PDE4B: variants seen among roughly 807,000 people sequenced by gnomAD.
The protein encoded by PDE4B is 3',5'-cyclic-AMP phosphodiesterase 4B.
In PDE4B, 20 loss-of-function variants were observed where a neutral mutation model predicts 82.2. The observed-to-expected ratio is 0.24, with a 90% CI of 0.17 to 0.35. The LOEUF is 0.35. Among genes scored for constraint, PDE4B ranks in the 10% least tolerant of loss-of-function variants. The pLI is 1.00. For synonymous variants in PDE4B, 320 were observed against 318.9 expected, an observed-to-expected ratio of 1.00 and a Z score of -0.04; for missense variants, 655 against 907.2, an observed-to-expected ratio of 0.72 and a Z score of 3.57.
chr1:66,066,449 G>T (rs1181428150), intron 3 of PDE4B, among the ~76,000 whole-genome samples: 1 of 151,828 alleles, frequency 6.6e-6, no homozygotes, highest in Non-Finnish European at 1.5e-5. Context: ...GAAATGATTG[G>T]TAGTATTTCT....
At chr1:65,846,606 G>A (rs1033231931) in intron 1 of PDE4B, among the ~76,000 whole-genome samples, 5 of 152,182 alleles carry the variant, frequency 3.3e-5, no homozygotes, top group African/African-American at 1.2e-4. Flanking sequence ...GAATGTAGCT[G>A]TGAATGAAAC....
intron 4 of PDE4B, among the ~76,000 whole-genome samples, chr1:66,252,876 T>C (rs1653898767): frequency 6.6e-6 from 1 of 152,046 alleles, no homozygotes; most frequent in South Asian, 2.1e-4. Context: ...GAGGTGGAGG[T>C]TGCAATAAGC....
At chr1:66,170,357 C>A (rs1337331342) in intron 3 of PDE4B, among the ~76,000 whole-genome samples, 1 of 152,150 alleles carries the variant, frequency 6.6e-6, no homozygotes, top group Admixed American at 6.6e-5. Flanking sequence ...GCATTGAGTA[C>A]ATTTACACAT....
intron 1 of PDE4B, among the ~76,000 whole-genome samples, chr1:65,813,063 A>G (rs1233103364): frequency 6.6e-6 from 1 of 152,186 alleles, no homozygotes; most frequent in Non-Finnish European, 1.5e-5. Flanking sequence ...GGGAACAGGC[A>G]GAGAGTTAGG....
At chr1:66,269,868 G>A (rs1411052969) in intron 7 of PDE4B, among the ~76,000 whole-genome samples, 1 of 152,172 alleles carries the variant, frequency 6.6e-6, no homozygotes, top group African/African-American at 2.4e-5. Flanking sequence ...ATGTAAATGT[G>A]ACTTGATGTA....
chr1:66,197,289 G>A (rs747769712), intron 3 of PDE4B, among the ~76,000 whole-genome samples: 1 of 152,064 alleles, frequency 6.6e-6, no homozygotes, highest in Non-Finnish European at 1.5e-5. Flanking sequence ...CACGTTTTCT[G>A]CACCTGAAAA....
intron 7 of PDE4B, among the ~76,000 whole-genome samples, chr1:66,283,093 C>T (rs1442449032): frequency 1.3e-5 from 2 of 152,138 alleles, no homozygotes; most frequent in East Asian, 3.8e-4. Flanking sequence ...GACATGGTGC[C>T]TGACCTAAGC....
intron 3 of PDE4B, among the ~76,000 whole-genome samples, chr1:66,170,755 A>G (rs970728717): frequency 6.6e-6 from 1 of 152,188 alleles, no homozygotes; most frequent in Non-Finnish European, 1.5e-5. Context: ...TTGAAGATTA[A>G]CACAGCAAAA....
chr1:66,010,385 AAACTT>A (rs1207559085), intron 3 of PDE4B, among the ~76,000 whole-genome samples: 1 of 151,860 alleles, frequency 6.6e-6, no homozygotes, highest in Non-Finnish European at 1.5e-5. Flanking sequence ...CAAGTATACT[AAACTT>A]AATAGCAAGA....
chr1:66,219,528 T>C (rs1457026353), intron 3 of PDE4B, among the ~76,000 whole-genome samples: 1 of 152,184 alleles, frequency 6.6e-6, no homozygotes, highest in Non-Finnish European at 1.5e-5. Context: ...TCCAAAGAAA[T>C]GTGCAAAGCA....
rs149472142 is a variant in PDE4B, at chr1:65,947,661, A to G, written c.281+28826A>G. The stretch of plus-strand genomic sequence containing the variant: ...AGAAAAGGGAAATTTAGACACAGCT[A>G]TAGACACAGAGGGAAGACAGTTATG... On this transcript the variant is annotated intron_variant, in intron 3 of 16. Coordinates refer to ENST00000341517, the MANE Select transcript of PDE4B (RefSeq NM_002600.4). Among the ~76,000 whole-genome samples the G allele has an allele frequency of 8.5e-5, 13 of 152,128 alleles. No individual in the cohort carries two copies. The East Asian group carries it at 2.3e-3, about 27-fold the overall frequency.
intron 3 of PDE4B, among the ~76,000 whole-genome samples, chr1:65,963,605 T>A (rs1010943818): frequency 2.0e-5 from 3 of 152,176 alleles, no homozygotes; most frequent in African/African-American, 7.2e-5. Context: ...TCATCCCCTG[T>A]CAAGTTCTAG....
chr1:66,365,876 A>T lies in PDE4B; in HGVS notation c.1384+110A>T, dbSNP rs1376143314. The T allele has an allele frequency of 1.2e-5, 7 of 582,656 alleles. No homozygotes were observed. In the East Asian group the frequency reaches 1.7e-4, roughly 14 times the overall value. 36.1% of individuals were successfully genotyped at this position (582,656 alleles called of 1,614,324 possible). ...TAATCACAAGGATAATAATGAGGCA[A>T]TCCTTCCATTTCTCTCAAACTGGTC... On this transcript the variant is annotated intron_variant, in intron 13 of 16. Coordinates refer to ENST00000341517, the MANE Select transcript of PDE4B (RefSeq NM_002600.4).
At chr1:66,350,707 A>G (rs932585302) in intron 8 of PDE4B, among the ~76,000 whole-genome samples, 1 of 152,048 alleles carries the variant, frequency 6.6e-6, no homozygotes, top group African/African-American at 2.4e-5. Flanking sequence ...TTAACTAAGA[A>G]CTCATTACCA....
chr1:65,955,201 T>G (rs966567971), intron 3 of PDE4B, among the ~76,000 whole-genome samples: 1 of 152,140 alleles, frequency 6.6e-6, no homozygotes, highest in African/African-American at 2.4e-5. Flanking sequence ...CCTGGAGCCC[T>G]GTCCGTCCAT....
At chr1:66,145,489 C>G (rs972115938) in intron 3 of PDE4B, among the ~76,000 whole-genome samples, 5 of 152,174 alleles carry the variant, frequency 3.3e-5, no homozygotes, top group Non-Finnish European at 2.9e-5. Context: ...AGGTATATAA[C>G]TGACCCTTAG....
At chr1:65,800,299 GA>G (rs1645680090) in intron 1 of PDE4B, among the ~76,000 whole-genome samples, 1 of 152,172 alleles carries the variant, frequency 6.6e-6, no homozygotes, top group Non-Finnish European at 1.5e-5. Flanking sequence ...AAATAAGACT[GA>G]ATTGTTTTGC....
chr1:65,842,040 T>C (rs1288557207), intron 1 of PDE4B, among the ~76,000 whole-genome samples: 1 of 152,218 alleles, frequency 6.6e-6, no homozygotes, highest in Non-Finnish European at 1.5e-5. Flanking sequence ...TTCGATGTAG[T>C]CATGGAGGTG....
chr1:66,321,183 T>C (rs1659379978), intron 7 of PDE4B, among the ~76,000 whole-genome samples: 1 of 152,216 alleles, frequency 6.6e-6, no homozygotes, highest in South Asian at 2.1e-4. Context: ...CATTGGACTC[T>C]GATTTGCCAC....
Sources: allele counts gnomAD v4.1 joint callset (sites outside exome capture counted in the v4.1 genomes callset), GRCh38; gene constraint gnomAD v4.1.1; transcripts MANE v1.5; gene names NCBI Gene and HGNC (gene_info 2026-07-23, HGNC 2026-07-21).